The following GRID2 variants were observed in gnomAD, a reference collection of about 807,000 sequenced individuals.
The protein encoded by GRID2 is glutamate ionotropic receptor delta type subunit 2.
Under a neutral mutation model 114.8 loss-of-function variants are expected in GRID2, and 33 were observed. The observed-to-expected ratio is 0.29, with a 90% confidence interval of 0.22 to 0.38. GRID2 has a LOEUF of 0.38. Among genes scored for constraint, GRID2 ranks in the 10% least tolerant of loss-of-function variants. GRID2 has a pLI of 1.00. For synonymous variants in GRID2, 505 were observed against 449.9 expected, an observed-to-expected ratio of 1.12 and a Z score of -1.55; for missense variants, 1,184 against 1,257.7, an observed-to-expected ratio of 0.94 and a Z score of 0.89.
At chr4:93,288,035 C>A (rs915981811) in intron 8 of GRID2, among the ~76,000 whole-genome samples, 1 of 152,148 alleles carries the variant, frequency 6.6e-6, no homozygotes, top group African/African-American at 2.4e-5. Context: ...GATAAATTAT[C>A]CCCACACATC....
Position 92,502,705 on chromosome 4 carries a change from CTTTTTTTTTTT to C in GRID2, c.89-87408_89-87398del, listed in dbSNP as rs70940901. On this transcript the variant is annotated intron_variant, in intron 1 of 15. Coordinates refer to ENST00000282020, the MANE Select transcript of GRID2 (RefSeq NM_001510.4). ...GCAATGAACTAATGCCATGTGATTT[CTTTTTTTTTTT>C]TTTTTTTTTTTTTTTTTCCTATACG... 1.5e-3 allele frequency among the ~76,000 whole-genome samples: 96 copies of C among 63,942 alleles called. 2 individuals carry two copies. The highest frequency in any genetic ancestry group is 2.4e-3 in the South Asian group (3 of 1,248). 41.9% of individuals were successfully genotyped at this position (63,942 alleles called of 152,430 possible). A position where few individuals can be genotyped will look rare whatever the true frequency, so the allele number is the denominator to read the frequency against.
At chr4:93,257,991 TATATATATACAC>T (rs776877944) in intron 8 of GRID2, among the ~76,000 whole-genome samples, 36 of 22,240 alleles carry the variant, frequency 1.6e-3, no homozygotes, top group Middle Eastern at 0.05. Context: ...TATATATATA[TATATATATACAC>T]ACACACACAC....
At chr4:92,587,103 T>TGG (rs1398220125) in intron 1 of GRID2, among the ~76,000 whole-genome samples, 39 of 78,980 alleles carry the variant, frequency 4.9e-4, no homozygotes, top group East Asian at 2.7e-3. Flanking sequence ...AAATGCTGTG[T>TGG]GTGTGTGTGT....
At chr4:93,019,378 A>G (rs2149243562) in intron 2 of GRID2, among the ~76,000 whole-genome samples, 1 of 152,264 alleles carries the variant, frequency 6.6e-6, no homozygotes, top group Admixed American at 6.5e-5. Flanking sequence ...CTGTCTTCTA[A>G]GACCATATTC....
intron 2 of GRID2, among the ~76,000 whole-genome samples, chr4:93,050,516 G>A (rs1380434539): frequency 1.0e-4 from 6 of 57,698 alleles, no homozygotes; most frequent in African/African-American, 4.0e-4. Context: ...CCTGGTGTGT[G>A]TGTGTGTGTG....
chr4:93,321,680 T>C (rs932623911), intron 8 of GRID2, among the ~76,000 whole-genome samples: 1 of 152,000 alleles, frequency 6.6e-6, no homozygotes, highest in Non-Finnish European at 1.5e-5. Context: ...AAATACTTTT[T>C]TTATTCACTT....
intron 14 of GRID2, among the ~76,000 whole-genome samples, chr4:93,688,070 T>C (rs75810721): frequency 0.041 from 6,243 of 151,946 alleles, 194 homozygotes; most frequent in African/African-American, 0.081. Context: ...GAAGATAAAG[T>C]AGTTCACATC....
At chr4:92,669,524 CT>C (rs911325682) in intron 2 of GRID2, among the ~76,000 whole-genome samples, 3 of 151,898 alleles carry the variant, frequency 2.0e-5, no homozygotes, top group African/African-American at 7.3e-5. Context: ...GAAACAGCAG[CT>C]GACAGAGCAA....
intron 2 of GRID2, among the ~76,000 whole-genome samples, chr4:92,766,289 A>G (rs995507793): frequency 6.6e-6 from 1 of 152,152 alleles, no homozygotes. Flanking sequence ...CTATAATTCC[A>G]GCACTTTGGG....
In GRID2 at chr4:92,542,539, A is replaced by G. The variant is rs115706437; in HGVS notation, c.89-47592A>G. ...AGTGAAATAACTCAGGAATGAAAAA[A>G]CAAACATCGTATGTTCTCACTTATA... On this transcript the variant is annotated intron_variant, in intron 1 of 15. Coordinates refer to ENST00000282020, the MANE Select transcript of GRID2 (RefSeq NM_001510.4). Among the ~76,000 whole-genome samples, 711 of 152,170 alleles carry G rather than the reference A, an allele frequency of 4.7e-3. 1 individual carries two copies. Among genetic ancestry groups the G allele is most frequent in the Non-Finnish European group, 7.8e-3 (530 of 67,992 alleles).
intron 2 of GRID2, among the ~76,000 whole-genome samples, chr4:92,701,662 C>A (rs994491165): frequency 5.3e-5 from 8 of 151,926 alleles, no homozygotes; most frequent in African/African-American, 1.9e-4. Flanking sequence ...TTAGGAAATA[C>A]CATATAAAGA....
intron 1 of GRID2, among the ~76,000 whole-genome samples, chr4:92,431,230 A>G (rs1310670215): frequency 1.3e-5 from 2 of 152,140 alleles, no homozygotes; most frequent in Non-Finnish European, 2.9e-5. Context: ...ATTTGATACT[A>G]GCTGTGGATT....
At chr4:93,612,812 G>C (rs1014397550) in intron 13 of GRID2, among the ~76,000 whole-genome samples, 3 of 96,960 alleles carry the variant, frequency 3.1e-5, no homozygotes, top group Non-Finnish European at 6.6e-5. Context: ...TTCTCGAGGA[G>C]TATCTTTGTG....
intron 9 of GRID2, among the ~76,000 whole-genome samples, chr4:93,396,032 A>G (rs1468003475): frequency 6.6e-6 from 1 of 152,006 alleles, no homozygotes; most frequent in Non-Finnish European, 1.5e-5. Flanking sequence ...GAACATAGAT[A>G]GTCAACATAT....
At chr4:93,708,032 A>G (rs1728159910) in intron 14 of GRID2, among the ~76,000 whole-genome samples, 2 of 151,916 alleles carry the variant, frequency 1.3e-5, no homozygotes, top group African/African-American at 4.8e-5. Context: ...TTCTAGTTTG[A>G]TTCTATCCTT....
intron 8 of GRID2, among the ~76,000 whole-genome samples, chr4:93,352,433 C>T (rs1760896871): frequency 6.6e-6 from 1 of 151,984 alleles, no homozygotes. Flanking sequence ...GAAACAGCTA[C>T]ATGTGAAAAA....
intron 2 of GRID2, among the ~76,000 whole-genome samples, chr4:92,897,369 T>C (rs534890271): frequency 6.6e-6 from 1 of 152,266 alleles, no homozygotes; most frequent in East Asian, 1.9e-4. Context: ...TATAAACTAT[T>C]CTCAATCATA....
intron 1 of GRID2, among the ~76,000 whole-genome samples, chr4:92,542,966 T>C (rs62307822): frequency 0.06 from 8,977 of 150,310 alleles, 299 homozygotes; most frequent in East Asian, 0.12. Flanking sequence ...ATTATAGTTA[T>C]ATGTGCACAC....
chr4:92,698,910 A>AT (rs1450783171), intron 2 of GRID2, among the ~76,000 whole-genome samples: 1 of 152,206 alleles, frequency 6.6e-6, no homozygotes, highest in Non-Finnish European at 1.5e-5. Flanking sequence ...AAAACTTAAT[A>AT]TCATAAAATT....
Sources: gnomAD v4.1 joint callset for allele counts (sites outside exome capture counted in the v4.1 genomes callset) on GRCh38, gnomAD v4.1.1 for gene constraint, MANE v1.5 for transcripts, NCBI Gene and HGNC (gene_info 2026-07-23, HGNC 2026-07-21) for gene names.